ATP6V1H: variants seen among roughly 807,000 people sequenced by gnomAD.
ATP6V1H encodes the protein ATPase H+ transporting V1 subunit H.
ATP6V1H carries 39 observed loss-of-function variants against 71.7 expected under a neutral mutation model. The observed-to-expected ratio is 0.54, with a 90% CI of 0.42 to 0.71. The LOEUF (loss-of-function observed/expected upper bound fraction) is 0.71, where lower values mean the gene tolerates loss of function less well. Ranked by LOEUF, ATP6V1H falls within the 30% of genes least tolerant of loss-of-function variation. The probability of loss-of-function intolerance (pLI) is 0.00; values close to 1 mark genes in which losing one functional copy is unlikely to be tolerated. For missense variants in ATP6V1H, 509 were observed against 594.9 expected, an observed-to-expected ratio of 0.86 and a Z score of 1.50; for synonymous variants, 192 against 199.3, an observed-to-expected ratio of 0.96 and a Z score of 0.31.
At chr8:53,821,681 T>C (rs894522136) in intron 4 of ATP6V1H, among the ~76,000 whole-genome samples, 1 of 151,340 alleles carries the variant, frequency 6.6e-6, no homozygotes, top group Non-Finnish European at 1.5e-5. Flanking sequence ...AGTGAGACCA[T>C]GCATCAAAGA....
intron 11 of ATP6V1H, among the ~76,000 whole-genome samples, chr8:53,758,865 G>C (rs187586356): frequency 6.6e-6 from 1 of 152,338 alleles, no homozygotes. Flanking sequence ...TGGCAGAGTT[G>C]AGTAATTTGG....
chr8:53,749,145 T>C (rs1391249157), intron 12 of ATP6V1H, among the ~76,000 whole-genome samples: 2 of 152,318 alleles, frequency 1.3e-5, no homozygotes, highest in East Asian at 3.9e-4. Flanking sequence ...GTGAAAAGTG[T>C]TACATAATGG....
intron 12 of ATP6V1H, among the ~76,000 whole-genome samples, chr8:53,755,737 TATATATA>T (rs1439624923): frequency 0.018 from 58 of 3,292 alleles, 1 homozygote; most frequent in South Asian, 0.043. Flanking sequence ...TATATATATA[TATATATA>T]TTTTTTTTTT....
intron 2 of ATP6V1H, among the ~76,000 whole-genome samples, chr8:53,837,119 C>A (rs572806480): frequency 9.4e-5 from 14 of 149,700 alleles, no homozygotes; most frequent in Non-Finnish European, 1.9e-4. Flanking sequence ...CCAGCCTGGG[C>A]GACAAGAGTG....
At chr8:53,730,244 A>T (rs749732568) in intron 13 of ATP6V1H, among the ~76,000 whole-genome samples, 13 of 152,204 alleles carry the variant, frequency 8.5e-5, no homozygotes, top group Non-Finnish European at 1.6e-4. Context: ...TCCTTGTCAC[A>T]TGTCTCCTTA....
intron 2 of ATP6V1H, among the ~76,000 whole-genome samples, chr8:53,841,310 A>C (rs544132965): frequency 6.6e-6 from 1 of 152,096 alleles, no homozygotes; most frequent in Non-Finnish European, 1.5e-5. Context: ...CATTCCTCCT[A>C]TGTTTCCCAC....
chr8:53,830,969 A>G (rs1487707241), intron 3 of ATP6V1H, among the ~76,000 whole-genome samples: 1 of 152,240 alleles, frequency 6.6e-6, no homozygotes, highest in Non-Finnish European at 1.5e-5. Context: ...AGGAAGAACT[A>G]GATTTCATCG....
intron 4 of ATP6V1H, among the ~76,000 whole-genome samples, chr8:53,819,097 T>C (rs527488450): frequency 5.9e-5 from 9 of 151,846 alleles, no homozygotes; most frequent in South Asian, 2.1e-4. Flanking sequence ...TCCCAGCTAC[T>C]CAAGAGACGG....
chr8:53,786,192 C>G (rs899576720), intron 9 of ATP6V1H, among the ~76,000 whole-genome samples: 19 of 152,226 alleles, frequency 1.2e-4, no homozygotes, highest in African/African-American at 3.6e-4. Context: ...CCACCCAGTT[C>G]AAGCTTCCAG....
chr8:53,788,792 A>C (rs1341494665), intron 9 of ATP6V1H, among the ~76,000 whole-genome samples: 2 of 152,182 alleles, frequency 1.3e-5, no homozygotes, highest in African/African-American at 2.4e-5. Flanking sequence ...AAACAGTTAC[A>C]CTACTCTATT....
intron 4 of ATP6V1H, among the ~76,000 whole-genome samples, chr8:53,824,702 T>A (rs1368677371): frequency 6.6e-6 from 1 of 152,030 alleles, no homozygotes; most frequent in Admixed American, 6.5e-5. Flanking sequence ...ATAATAGCAC[T>A]CAAAAACTAA....
At chr8:53,722,726 A>G (rs1037862578) in intron 13 of ATP6V1H, among the ~76,000 whole-genome samples, 1 of 152,184 alleles carries the variant, frequency 6.6e-6, no homozygotes, top group Non-Finnish European at 1.5e-5. Flanking sequence ...AAAAGGATGC[A>G]TCTTTCTCCT....
rs761638317 is a variant in ATP6V1H, at chr8:53,743,675, G to C, written c.1293C>G (p.Leu431=). The C allele has an allele frequency of 1.2e-6, 2 of 1,610,828 alleles. No homozygotes were observed. Among genetic ancestry groups the C allele is most frequent in the Admixed American group, 1.7e-5 (1 of 59,904 alleles). ...YPRGKRVIEQ[L]GGKQLVMNHM... is the part of the protein sequence containing the mutation. ...GGTTCATGACCAGCTGCTTCCCACC[G>C]AGCTGCTCGATGACCCTGCAAACGG... Residue 431 remains leucine, a synonymous_variant, in exon 13 of 14, where the codon CTC becomes CTG. Coordinates refer to ENST00000359530, the MANE Select transcript of ATP6V1H (RefSeq NM_015941.4).
At chr8:53,723,848 G>A (rs960931934) in intron 13 of ATP6V1H, among the ~76,000 whole-genome samples, 8 of 152,146 alleles carry the variant, frequency 5.3e-5, no homozygotes, top group African/African-American at 1.9e-4. Context: ...TCTAGCTCTA[G>A]CTTTACTCAA....
At chr8:53,800,730 G>A (rs1809882780) in intron 8 of ATP6V1H, among the ~76,000 whole-genome samples, 1 of 152,136 alleles carries the variant, frequency 6.6e-6, no homozygotes, top group Admixed American at 6.5e-5. Flanking sequence ...TGATATTTGT[G>A]TATCAAAATG....
At chr8:53,805,994 A>C (rs1365237959) in intron 7 of ATP6V1H, among the ~76,000 whole-genome samples, 1 of 152,208 alleles carries the variant, frequency 6.6e-6, no homozygotes, top group Non-Finnish European at 1.5e-5. Context: ...AGGTGAAGGC[A>C]GTAGGAGGAA....
chr8:53,753,725 A>G (rs933455171), intron 12 of ATP6V1H, among the ~76,000 whole-genome samples: 1 of 152,226 alleles, frequency 6.6e-6, no homozygotes, highest in African/African-American at 2.4e-5. Flanking sequence ...CTTGACTATT[A>G]TTAGCTAAAT....
chr8:53,811,400 G>A (rs377554137), intron 6 of ATP6V1H, among the ~76,000 whole-genome samples, 183 bp from the exon 7 acceptor site: 5 of 152,006 alleles, frequency 3.3e-5, no homozygotes, highest in African/African-American at 1.2e-4. Flanking sequence ...TCTAAATATC[G>A]TTACATTCTT....
chr8:53,750,435 T>TA (rs1263587883), intron 12 of ATP6V1H, among the ~76,000 whole-genome samples: 1 of 152,124 alleles, frequency 6.6e-6, no homozygotes, highest in African/African-American at 2.4e-5. Context: ...TTAACATCAA[T>TA]AGGTTCTTGG....
Sources: gnomAD v4.1 joint callset for allele counts (sites outside exome capture counted in the v4.1 genomes callset) on GRCh38, gnomAD v4.1.1 for gene constraint, MANE v1.5 for transcripts, NCBI Gene and HGNC (gene_info 2026-07-23, HGNC 2026-07-21) for gene names.